Variants in DOCK1 observed in about 807,000 individuals in gnomAD.
DOCK1 encodes the protein dedicator of cytokinesis 1, also known as dedicator of cytokinesis protein 1.
DOCK1 carries 138 observed loss-of-function variants against 262.7 expected under a neutral mutation model. That is an observed-to-expected ratio of 0.53 (90% CI 0.46 to 0.61). DOCK1 has a LOEUF of 0.61. Among genes scored for constraint, DOCK1 ranks in the 20% least tolerant of loss-of-function variants. DOCK1 has a pLI of 0.00. For synonymous variants in DOCK1, 866 were observed against 867.4 expected (o/e 1.00, Z 0.03); for missense variants, 1,908 against 2,370.7 (o/e 0.80, Z 4.05).
chr10:127,370,577 T>C (rs146164784), intron 33 of DOCK1, among the ~76,000 whole-genome samples: 27 of 152,330 alleles, frequency 1.8e-4, no homozygotes, highest in African/African-American at 6.3e-4. Context: ...AAACCAAATA[T>C]AATTGGCTTT....
Position 127,175,684 on chromosome 10 carries a change from C to T in DOCK1, c.2847+47920C>T, listed in dbSNP as rs745852102. On this transcript the variant is annotated intron_variant, in intron 27 of 51. Transcript: ENST00000623213. This position sits in a 1 kb window ranked among gnomAD's most constrained non-coding sequence, Gnocchi z 6.3. The stretch of plus-strand genomic sequence containing the variant: ...CTGAGGGCAGGTGGAGCGGGCTCCT[C>T]GGAGTTTGGCCTCCCCCGGTCCTGC... 2.0e-5 allele frequency: 33 copies of T among 1,613,624 alleles called. No individual in the cohort carries two copies. In the South Asian group the frequency reaches 2.3e-4, roughly 11 times the overall value.
intron 9 of DOCK1, among the ~76,000 whole-genome samples, 158 bp downstream of exon 9, chr10:126,999,593 T>A (rs2135137562): frequency 6.6e-6 from 1 of 152,292 alleles, no homozygotes; most frequent in East Asian, 1.9e-4. Flanking sequence ...TTTCCAGAAA[T>A]CATCTGAGTC....
intron 27 of DOCK1, among the ~76,000 whole-genome samples, chr10:127,195,529 C>T (rs1050001581): frequency 1.2e-4 from 18 of 152,064 alleles, no homozygotes; most frequent in African/African-American, 4.1e-4. Context: ...CTCATCCCCC[C>T]CCCGAAGTTA....
At chr10:127,277,977 T>C (rs898517047) in intron 29 of DOCK1, among the ~76,000 whole-genome samples, 18 of 152,198 alleles carry the variant, frequency 1.2e-4, no homozygotes, top group African/African-American at 4.3e-4. Flanking sequence ...ACAGTTATAA[T>C]AACAGATTTA....
At chr10:127,354,858 CTCTTT>C in intron 32 of DOCK1, 131 bp downstream of exon 32, 11 of 1,067,350 alleles carry the variant, frequency 1.0e-5, no homozygotes, top group Non-Finnish European at 1.5e-5. Context: ...GCAGTTGCTA[CTCTTT>C]GTAGTAACTG....
intron 27 of DOCK1, among the ~76,000 whole-genome samples, chr10:127,225,081 C>A (rs1590019210): frequency 1.3e-5 from 2 of 152,294 alleles, no homozygotes; most frequent in East Asian, 3.9e-4. Flanking sequence ...TAAATCTATT[C>A]TCTTCCTGCC....
intron 27 of DOCK1, among the ~76,000 whole-genome samples, chr10:127,149,632 G>A (rs2052285749): frequency 6.6e-6 from 1 of 152,108 alleles, no homozygotes; most frequent in Non-Finnish European, 1.5e-5. Flanking sequence ...AGTGAAAAGT[G>A]GTGTTTAAAT....
At chr10:127,292,627 C>A (rs963500356) in intron 29 of DOCK1, among the ~76,000 whole-genome samples, 5 of 152,106 alleles carry the variant, frequency 3.3e-5, no homozygotes, top group African/African-American at 1.2e-4. Context: ...CTCTGTGACT[C>A]CCTGTTTCTC....
intron 27 of DOCK1, among the ~76,000 whole-genome samples, chr10:127,130,883 A>T (rs73378486): frequency 1.3e-5 from 2 of 152,186 alleles, no homozygotes; most frequent in African/African-American, 4.8e-5. Flanking sequence ...CCACTTCAGA[A>T]GTCATCGAAA....
At chr10:126,928,697 G>T (rs1035094490) in intron 1 of DOCK1, among the ~76,000 whole-genome samples, 1 of 152,256 alleles carries the variant, frequency 6.6e-6, no homozygotes, top group South Asian at 2.1e-4. Flanking sequence ...GAGGAGGGAC[G>T]CATGAGAACT....
chr10:127,325,657 C>T (rs539222611), intron 29 of DOCK1, among the ~76,000 whole-genome samples: 5 of 152,260 alleles, frequency 3.3e-5, no homozygotes, highest in South Asian at 2.1e-4. Flanking sequence ...TTAAGGAGGA[C>T]GCTCAGGGTT....
chr10:126,974,098 C>G (rs138383483), intron 2 of DOCK1, among the ~76,000 whole-genome samples: 1 of 152,108 alleles, frequency 6.6e-6, no homozygotes, highest in Non-Finnish European at 1.5e-5. Context: ...AGAGCTCATT[C>G]GTGCAGACCC....
At chr10:127,379,467 G>A (rs2065709215) in intron 35 of DOCK1, among the ~76,000 whole-genome samples, 1 of 152,236 alleles carries the variant, frequency 6.6e-6, no homozygotes, top group Non-Finnish European at 1.5e-5. Flanking sequence ...GTCTTGTGTA[G>A]ACTGTTTGAT....
chr10:127,190,658 C>T lies in DOCK1; in HGVS notation c.2848-57350C>T, dbSNP rs1471536298. ...TCACACTCAAATATTTAATAGAAAT[C>T]CTATCTTCCCCCCCCCCCCCCCCCC... On this transcript the variant is annotated intron_variant, in intron 27 of 51. Transcript: ENST00000623213. Among the ~76,000 whole-genome samples, 9 of 31,184 alleles carry T rather than the reference C, an allele frequency of 2.9e-4. 1 individual carries two copies. The highest frequency in any genetic ancestry group is 5.7e-4 in the Non-Finnish European group (7 of 12,212). 20.5% of individuals were successfully genotyped at this position (31,184 alleles called of 152,430 possible).
intron 29 of DOCK1, among the ~76,000 whole-genome samples, chr10:127,259,171 G>A (rs1234134114): frequency 6.6e-6 from 1 of 152,200 alleles, no homozygotes; most frequent in Non-Finnish European, 1.5e-5. Context: ...TGTAGCCTTA[G>A]CTCTGGCCCG....
chr10:126,965,993 T>A (rs2037643593), intron 1 of DOCK1, among the ~76,000 whole-genome samples: 1 of 152,204 alleles, frequency 6.6e-6, no homozygotes, highest in Non-Finnish European at 1.5e-5. Flanking sequence ...TTTCGTATCC[T>A]TTAGCAAATT....
At chr10:126,984,007 G>A (rs1226641593) in intron 4 of DOCK1, among the ~76,000 whole-genome samples, 2 of 152,126 alleles carry the variant, frequency 1.3e-5, no homozygotes, top group Admixed American at 6.5e-5. Context: ...TCTTAACGCC[G>A]ATGCTCTTAT....
chr10:127,155,274 G>A (rs2052928054), intron 27 of DOCK1, among the ~76,000 whole-genome samples: 1 of 151,948 alleles, frequency 6.6e-6, no homozygotes. Flanking sequence ...ATCAACATTT[G>A]ACAAAAGGAT....
chr10:126,944,707 G>A (rs941531177), intron 1 of DOCK1, among the ~76,000 whole-genome samples: 57 of 152,236 alleles, frequency 3.7e-4, no homozygotes, highest in African/African-American at 1.2e-3. Context: ...GTGGCGAGGT[G>A]GATTGGGGCT....
Sources: allele counts gnomAD v4.1 joint callset (sites outside exome capture counted in the v4.1 genomes callset), GRCh38; gene constraint gnomAD v4.1.1; non-coding constraint Gnocchi (gnomAD v3.1); transcripts MANE v1.5; gene names NCBI Gene and HGNC (gene_info 2026-07-23, HGNC 2026-07-21).